DLGAP2: variants seen among roughly 807,000 people sequenced by gnomAD.
DLGAP2 encodes disks large-associated protein 2.
Under a neutral mutation model 100.3 loss-of-function variants are expected in DLGAP2, and 26 were observed. That is an observed-to-expected ratio of 0.26 (90% CI 0.19 to 0.36). DLGAP2 has a LOEUF of 0.36. Among genes scored for constraint, DLGAP2 ranks in the 10% least tolerant of loss-of-function variants. DLGAP2 has a pLI of 1.00. For missense variants in DLGAP2, 1,858 were observed against 1,453.2 expected (o/e 1.28, Z -4.53); for synonymous variants, 886 against 630.1 (o/e 1.41, Z -6.08).
chr8:1,459,447 G>A (rs1342426009), intron 3 of DLGAP2, among the ~76,000 whole-genome samples: 1 of 152,206 alleles, frequency 6.6e-6, no homozygotes, highest in East Asian at 1.9e-4. Flanking sequence ...AATTAATATT[G>A]CAACTGAGGA....
intron 1 of DLGAP2, among the ~76,000 whole-genome samples, chr8:858,764 T>G (rs1797333573): frequency 6.6e-6 from 1 of 152,180 alleles, no homozygotes; most frequent in African/African-American, 2.4e-5. Flanking sequence ...TGGGCACATG[T>G]GTGATGCTGT....
At chr8:1,493,217 A>ACGCG (rs1345699713) in intron 3 of DLGAP2, among the ~76,000 whole-genome samples, 1 of 152,182 alleles carries the variant, frequency 6.6e-6, no homozygotes, top group East Asian at 1.9e-4. Context: ...CAGCTCTGAG[A>ACGCG]CGCGCCTCCA....
chr8:1,062,651 C>T (rs556341210), intron 2 of DLGAP2, among the ~76,000 whole-genome samples: 1 of 152,152 alleles, frequency 6.6e-6, no homozygotes, highest in South Asian at 2.1e-4. Context: ...CCTTGCCCTC[C>T]CTCCCTCCTG....
intron 2 of DLGAP2, among the ~76,000 whole-genome samples, chr8:1,091,577 C>G (rs559408253): frequency 1.2e-4 from 19 of 152,346 alleles, no homozygotes; most frequent in African/African-American, 4.3e-4. Context: ...AGCCAAGAGC[C>G]CGCAGTGATG....
At chr8:762,560 C>T (rs1821113087) in intron 1 of DLGAP2, among the ~76,000 whole-genome samples, 1 of 152,152 alleles carries the variant, frequency 6.6e-6, no homozygotes, top group Non-Finnish European at 1.5e-5. Flanking sequence ...GGGTCACCCC[C>T]TGCTTTGCAG....
chr8:812,892 T>C (rs1458038540), intron 1 of DLGAP2, among the ~76,000 whole-genome samples: 1 of 152,224 alleles, frequency 6.6e-6, no homozygotes, highest in East Asian at 1.9e-4. Flanking sequence ...TTTAAGTATT[T>C]AGGTATTGAT....
chr8:1,212,192 C>G (rs567898222), intron 2 of DLGAP2, among the ~76,000 whole-genome samples: 1 of 152,258 alleles, frequency 6.6e-6, no homozygotes, highest in Admixed American at 6.5e-5. Context: ...GCCTCATGTT[C>G]ATGATCTTTC....
chr8:812,472 A>T (rs1796390633), intron 1 of DLGAP2, among the ~76,000 whole-genome samples: 1 of 152,182 alleles, frequency 6.6e-6, no homozygotes, highest in African/African-American at 2.4e-5. Context: ...AGAGGAATGT[A>T]AAATTGAAGA....
At chr8:1,547,283 C>T (rs986111323) in intron 4 of DLGAP2, among the ~76,000 whole-genome samples, 10 of 152,098 alleles carry the variant, frequency 6.6e-5, no homozygotes, top group Non-Finnish European at 7.4e-5. Flanking sequence ...CAGCTGTGCC[C>T]GCAGGGAGCT....
chr8:1,464,255 T>TAATA (rs1334164342), intron 3 of DLGAP2, among the ~76,000 whole-genome samples: 1 of 69,654 alleles, frequency 1.4e-5, no homozygotes, highest in African/African-American at 6.1e-5. Context: ...CCAGGACGGC[T>TAATA]CCCTTCCAGG....
chr8:1,286,969 C>A (rs1372562760), intron 3 of DLGAP2, among the ~76,000 whole-genome samples: 1 of 152,220 alleles, frequency 6.6e-6, no homozygotes, highest in African/African-American at 2.4e-5. Flanking sequence ...AGTTATAAAC[C>A]TTAGCAAATT....
intron 1 of DLGAP2, among the ~76,000 whole-genome samples, chr8:742,479 C>T (rs4735818): frequency 0.37 from 56,409 of 152,024 alleles, 10,824 homozygotes; most frequent in East Asian, 0.48. Flanking sequence ...TTGTGTGTAA[C>T]GAATGTTTGT....
intron 2 of DLGAP2, among the ~76,000 whole-genome samples, chr8:1,204,431 G>T (rs1220585120): frequency 1.3e-5 from 2 of 152,238 alleles, no homozygotes; most frequent in African/African-American, 4.8e-5. Flanking sequence ...ACCCCGGCTG[G>T]AAGCCAGGCT....
intron 6 of DLGAP2, among the ~76,000 whole-genome samples, chr8:1,606,874 G>A (rs1289218471): frequency 2.6e-5 from 4 of 152,108 alleles, no homozygotes; most frequent in Admixed American, 1.3e-4. Flanking sequence ...TGGTAGAGAC[G>A]AGATTTCATC....
chr8:919,042 G>C (rs1798653913), intron 2 of DLGAP2, among the ~76,000 whole-genome samples: 2 of 152,280 alleles, frequency 1.3e-5, no homozygotes, highest in South Asian at 4.1e-4. Context: ...CTGGGCTCAA[G>C]TGATCCTCCC....
At chr8:1,553,416 T>C (rs1259630047) in intron 5 of DLGAP2, among the ~76,000 whole-genome samples, 1 of 152,144 alleles carries the variant, frequency 6.6e-6, no homozygotes, top group African/African-American at 2.4e-5. Flanking sequence ...CCCATTTTGT[T>C]TGGCGTGTTC....
intron 2 of DLGAP2, among the ~76,000 whole-genome samples, chr8:1,142,636 C>A (rs1392217807): frequency 6.6e-6 from 1 of 152,138 alleles, no homozygotes; most frequent in Admixed American, 6.5e-5. Flanking sequence ...TTGGGAAGTG[C>A]GGCGACTTCG....
In DLGAP2 at chr8:1,072,504, G is replaced by A. The variant is rs145166653; in HGVS notation, c.73+164538G>A. Among the ~76,000 whole-genome samples, 244 of 152,284 alleles carry A rather than the reference G, an allele frequency of 1.6e-3. 1 individual carries two copies. Among genetic ancestry groups the A allele is most frequent in the Middle Eastern group, 3.4e-3 (1 of 294 alleles). On this transcript the variant is annotated intron_variant, in intron 2 of 14. Coordinates refer to ENST00000637795, the MANE Select transcript of DLGAP2 (RefSeq NM_001346810.2). ...CACGTTATCTTGGAGAACTCGACGC[G>A]TGTTTGATTTCACCGCAGCGTTTCT...
At position 1,701,282 on chromosome 8, in the gene DLGAP2, A is replaced by G; in HGVS notation, c.3044A>G (p.Gln1015Arg). ...REKSLDLPDR[Q>R]RQEARRRLMA... ...AAATCCCTGGACCTGCCCGACAGACAACGCCAGGAAGCCCGGAGGCGCCTC... is the reference window on the plus strand; with the variant it reads ...AAATCCCTGGACCTGCCCGACAGACGACGCCAGGAAGCCCGGAGGCGCCTC... The change falls in exon 15 of 15, where the codon CAA becomes CGA. Residue 1015 changes from glutamine (Q) to arginine (R), a missense_variant. Physicochemically the swap from Gln to Arg is conservative, Grantham distance 43 (BLOSUM62 1). Transcript: ENST00000637795. 2 of 1,584,932 alleles carry G rather than the reference A, an allele frequency of 1.3e-6. No homozygotes were observed. The highest frequency in any genetic ancestry group is 1.7e-6 in the Non-Finnish European group (2 of 1,166,412).
Sources: allele counts gnomAD v4.1 joint callset (sites outside exome capture counted in the v4.1 genomes callset), GRCh38; gene constraint gnomAD v4.1.1; transcripts MANE v1.5; gene names NCBI Gene and HGNC (gene_info 2026-07-23, HGNC 2026-07-21).